NHLRC2: variants seen among roughly 807,000 people sequenced by gnomAD.
NHLRC2 encodes the protein NHL repeat containing 2.
In NHLRC2, 33 loss-of-function variants were observed where a neutral mutation model predicts 68.1. That is an observed-to-expected ratio of 0.48 (90% CI 0.37 to 0.65). The LOEUF (loss-of-function observed/expected upper bound fraction) is 0.65. Among genes scored for constraint, NHLRC2 ranks in the 30% least tolerant of loss-of-function variants. NHLRC2 has a pLI of 0.00. For missense variants in NHLRC2, 761 were observed against 853.8 expected, an observed-to-expected ratio of 0.89 and a Z score of 1.35; for synonymous variants, 311 against 309.6, an observed-to-expected ratio of 1.00 and a Z score of -0.05.
intron 2 of NHLRC2, among the ~76,000 whole-genome samples, chr10:113,864,066 C>T (rs1358683050): frequency 6.6e-6 from 1 of 152,110 alleles, no homozygotes; most frequent in Non-Finnish European, 1.5e-5. Context: ...GAAGGAAATT[C>T]TAACATGGAT....
chr10:113,899,563 C>T (rs190727064), intron 6 of NHLRC2, among the ~76,000 whole-genome samples: 2 of 152,142 alleles, frequency 1.3e-5, no homozygotes, highest in Non-Finnish European at 2.9e-5. Context: ...AGTGAACTTA[C>T]AGAGGAAGAA....
intron 2 of NHLRC2, among the ~76,000 whole-genome samples, chr10:113,870,681 G>C (rs553295946): frequency 6.6e-6 from 1 of 152,302 alleles, no homozygotes; most frequent in East Asian, 1.9e-4. Context: ...TCAAAGTTAA[G>C]TACATATGTA....
chr10:113,867,567 C>T (rs1303103645), intron 2 of NHLRC2, among the ~76,000 whole-genome samples: 2 of 152,206 alleles, frequency 1.3e-5, no homozygotes, highest in African/African-American at 4.8e-5. Flanking sequence ...TCTCATCCTT[C>T]CTCAAGGCTG....
At chr10:113,884,450 G>T in intron 5 of NHLRC2, 70 bp downstream of exon 5, 2 of 1,322,324 alleles carry the variant, frequency 1.5e-6, no homozygotes, top group Middle Eastern at 2.0e-4. Flanking sequence ...ATATTCTTGA[G>T]GTGGTCATTT....
intron 5 of NHLRC2, among the ~76,000 whole-genome samples, chr10:113,891,940 T>G (rs2134725378): frequency 1.3e-5 from 2 of 152,338 alleles, no homozygotes; most frequent in Middle Eastern, 3.4e-3. Flanking sequence ...GTTTCTCCCC[T>G]AGCAGAATGA....
chr10:113,864,737 T>A (rs1242238697), intron 2 of NHLRC2, among the ~76,000 whole-genome samples: 3 of 151,518 alleles, frequency 2.0e-5, no homozygotes, highest in Non-Finnish European at 4.4e-5. Flanking sequence ...AATGGGTTTT[T>A]AACAACTATT....
rs1845981837 is a variant in NHLRC2, at chr10:113,876,537, T to G, written c.348T>G (p.Ile116Met). 6.3e-7 allele frequency: 1 copy of G among 1,594,358 alleles called. No individual in the cohort carries two copies. Among genetic ancestry groups the G allele is most frequent in the African/African-American group, 1.4e-5 (1 of 74,006 alleles). ...TYSDKDGLLI[I>M]GVHSAKFPNE... Reference sequence around the variant, plus strand: ...TCCTTTCAGATGGTCTTCTTATTATTGGTGTTCACTCGGCTAAGTTTCCAA... The same window carrying G: ...TCCTTTCAGATGGTCTTCTTATTATGGGTGTTCACTCGGCTAAGTTTCCAA... Residue 116 changes from isoleucine (I) to methionine (M), a missense_variant, in exon 3 of 11, where the codon ATT (isoleucine) becomes ATG (methionine). Physicochemically the swap from Ile to Met is conservative, Grantham distance 10. Transcript: ENST00000369301.
intron 2 of NHLRC2, 115 bp from the exon 3 acceptor site, chr10:113,876,406 C>A: frequency 1.7e-6 from 1 of 574,402 alleles, no homozygotes; most frequent in East Asian, 3.0e-5. Flanking sequence ...TTCTACTTTT[C>A]GTTTTTTTTT....
chr10:113,859,438 A>G (rs749404177), intron 2 of NHLRC2, among the ~76,000 whole-genome samples: 30 of 152,196 alleles, frequency 2.0e-4, no homozygotes, highest in Non-Finnish European at 3.5e-4. Flanking sequence ...GTTAGTAAAG[A>G]TGAGAATAGA....
chr10:113,872,283 T>C (rs184324718), intron 2 of NHLRC2, among the ~76,000 whole-genome samples: 1 of 151,978 alleles, frequency 6.6e-6, no homozygotes, highest in Admixed American at 6.6e-5. Context: ...AAAGAAGATA[T>C]ATCAACCCCT....
At position 113,910,105 on chromosome 10, in the gene NHLRC2, C is replaced by T. The variant is rs1212987162; in HGVS notation, c.*1569C>T. ...TGTTTAAAATTATATGTAATTACCTCATAAACCTTTTCTCTCCACAAGCAA... is the reference window on the plus strand; with the variant it reads ...TGTTTAAAATTATATGTAATTACCTTATAAACCTTTTCTCTCCACAAGCAA... On this transcript the variant is annotated 3_prime_UTR_variant, in exon 11 of 11. Coordinates refer to ENST00000369301, the MANE Select transcript of NHLRC2 (RefSeq NM_198514.4). 6.6e-6 allele frequency: 1 copy of T among 152,118 alleles called. No individual in the cohort carries two copies. The highest frequency in any genetic ancestry group is 2.4e-5 in the African/African-American group (1 of 41,414). 9.4% of individuals were successfully genotyped at this position (152,118 alleles called of 1,614,324 possible).
rs757754711 is a variant in NHLRC2 at position 113,898,108 on chromosome 10, A to C, written c.1040-2A>C. Reference sequence around the variant, plus strand: ...TAATAATAATGATTTATTTTTATAAAGGTTCAGAGGTCCAAAGAGGTGACA... The same window carrying C: ...TAATAATAATGATTTATTTTTATAACGGTTCAGAGGTCCAAAGAGGTGACA... On this transcript the variant is annotated splice_acceptor_variant, in intron 5 of 10. Transcript: ENST00000369301. LOFTEE classifies it high-confidence loss of function. 6.3e-7 allele frequency: 1 copy of C among 1,584,648 alleles called. No individual in the cohort carries two copies. Among genetic ancestry groups the C allele is most frequent in the Non-Finnish European group, 8.7e-7 (1 of 1,155,524 alleles).
chr10:113,873,023 T>G (rs1845942071), intron 2 of NHLRC2, among the ~76,000 whole-genome samples: 1 of 152,114 alleles, frequency 6.6e-6, no homozygotes, highest in Non-Finnish European at 1.5e-5. Context: ...TTATTATACT[T>G]TAAACATTGA....
At chr10:113,873,853 A>G (rs1845952896) in intron 2 of NHLRC2, among the ~76,000 whole-genome samples, 1 of 152,162 alleles carries the variant, frequency 6.6e-6, no homozygotes, top group Non-Finnish European at 1.5e-5. Flanking sequence ...TACAACCCTT[A>G]TATTCTTATT....
chr10:113,879,467 T>C, intron 3 of NHLRC2, 107 bp from the exon 4 acceptor site: 7 of 990,038 alleles, frequency 7.1e-6, no homozygotes, highest in Non-Finnish European at 1.0e-5. Flanking sequence ...TAGATGGACA[T>C]ACCATTTTTT....
chr10:113,869,634 A>G (rs148724973), intron 2 of NHLRC2, among the ~76,000 whole-genome samples: 10 of 152,198 alleles, frequency 6.6e-5, no homozygotes, highest in Middle Eastern at 3.4e-3. Flanking sequence ...CTCATCATTC[A>G]CATCTCACTT....
chr10:113,888,146 T>C (rs1199016646), intron 5 of NHLRC2, among the ~76,000 whole-genome samples: 13 of 152,134 alleles, frequency 8.5e-5, no homozygotes, highest in Admixed American at 8.5e-4. Context: ...AGGTGGTTGC[T>C]AGAGGCTAGG....
intron 5 of NHLRC2, among the ~76,000 whole-genome samples, chr10:113,888,723 T>A (rs1229264791): frequency 6.6e-6 from 1 of 152,164 alleles, no homozygotes; most frequent in Admixed American, 6.6e-5. Flanking sequence ...GCAGATACAT[T>A]GTAATGTTTC....
rs1845725829 is a variant in NHLRC2 at position 113,854,831 on chromosome 10, C to T, written c.-42C>T. Reference sequence around the variant, plus strand: ...ACGTTTCGTCTCTCCCAGCGAGACTCTCCCGCGGGCCCGGCGGCCGCATCG... The same window carrying T: ...ACGTTTCGTCTCTCCCAGCGAGACTTTCCCGCGGGCCCGGCGGCCGCATCG... On this transcript the variant is annotated 5_prime_UTR_variant, in exon 1 of 11. Coordinates refer to ENST00000369301, the MANE Select transcript of NHLRC2 (RefSeq NM_198514.4). 5.9e-6 allele frequency: 9 copies of T among 1,513,236 alleles called. No homozygotes were observed. The highest frequency in any genetic ancestry group is 4.4e-5 in the Admixed American group (2 of 45,602). The allele number at this position is 1,513,236 out of a possible 1,614,324, so 93.7% of individuals were successfully genotyped here.
Sources: gnomAD v4.1 joint callset for allele counts (sites outside exome capture counted in the v4.1 genomes callset) on GRCh38, gnomAD v4.1.1 for gene constraint, MANE v1.5 for transcripts, NCBI Gene and HGNC (gene_info 2026-07-23, HGNC 2026-07-21) for gene names.